Variants in TRIM42 observed in about 807,000 individuals in gnomAD.
TRIM42 encodes the protein tripartite motif containing 42, also known as tripartite motif-containing protein 42.
A neutral mutation model predicts 64.9 loss-of-function variants in TRIM42; 59 were observed. The observed-to-expected ratio is 0.91, with a 90% confidence interval of 0.74 to 1.13. The LOEUF is 1.13. TRIM42 is among the 50% of genes most tolerant of loss of function. The pLI is 0.00. For synonymous variants in TRIM42, 354 were observed against 346.3 expected, an observed-to-expected ratio of 1.02 and a Z score of -0.25; for missense variants, 878 against 929.5, an observed-to-expected ratio of 0.94 and a Z score of 0.72.
At chr3:140,695,794 C>A (rs1988831279) in intron 4 of TRIM42, among the ~76,000 whole-genome samples, 1 of 152,152 alleles carries the variant, frequency 6.6e-6, no homozygotes, top group Admixed American at 6.5e-5. Flanking sequence ...GGTTGGAGGT[C>A]ATTCAATCTG....
At chr3:140,679,183 A>C (rs144541779) in intron 1 of TRIM42, among the ~76,000 whole-genome samples, 163 of 152,314 alleles carry the variant, frequency 1.1e-3, no homozygotes, top group African/African-American at 3.7e-3. Flanking sequence ...ATGGAAAAGA[A>C]AGAACTTCTA....
At chr3:140,692,046 A>G (rs1325739626) in intron 4 of TRIM42, among the ~76,000 whole-genome samples, 1 of 152,088 alleles carries the variant, frequency 6.6e-6, no homozygotes, top group Admixed American at 6.5e-5. Flanking sequence ...AGGAAGTCTC[A>G]TGAGACCACT....
At chr3:140,695,555 C>T (rs1021390163) in intron 4 of TRIM42, among the ~76,000 whole-genome samples, 1 of 152,160 alleles carries the variant, frequency 6.6e-6, no homozygotes, top group Non-Finnish European at 1.5e-5. Flanking sequence ...GAGTCATCCT[C>T]GGTGTCTGAT....
chr3:140,691,048 C>G lies in TRIM42; in HGVS notation c.1941C>G (p.Asn647Lys). ...FYEVITSPPN[N>K]VQMELCGQIR... The stretch of plus-strand genomic sequence containing the variant: ...AAGTCATTACTTCTCCTCCTAACAA[C>G]GTACAAATGGAGCTCTGTGGACAAA... Residue 647 changes from asparagine (N) to lysine (K), a missense_variant, in exon 4 of 5, where the codon AAC becomes AAG. By Grantham distance (94) the Asn-to-Lys change is moderately conservative. Transcript: ENST00000286349. 6.2e-7 allele frequency: 1 copy of G among 1,614,106 alleles called. No homozygotes were observed. Among genetic ancestry groups the G allele is most frequent in the Non-Finnish European group, 8.5e-7 (1 of 1,179,966 alleles).
At chr3:140,679,955 C>A (rs545151544) in intron 1 of TRIM42, among the ~76,000 whole-genome samples, 2 of 148,446 alleles carry the variant, frequency 1.3e-5, no homozygotes, top group Non-Finnish European at 3.0e-5. Flanking sequence ...CCCCCCCACC[C>A]CGCTTCAGGT....
chr3:140,685,720 C>T (rs1412413463), intron 2 of TRIM42, among the ~76,000 whole-genome samples: 1 of 152,146 alleles, frequency 6.6e-6, no homozygotes, highest in African/African-American at 2.4e-5. Flanking sequence ...CTGAGAGCCA[C>T]AGCTGAAGCA....
rs1988600930 is a variant in TRIM42, at chr3:140,688,134, T to C, written c.1452T>C (p.Ser484=). 1 of 1,614,030 alleles carries C rather than the reference T, an allele frequency of 6.2e-7. No individual in the cohort carries two copies. Among genetic ancestry groups the C allele is most frequent in the East Asian group, 2.2e-5 (1 of 44,872 alleles). Residue 484 remains serine, a synonymous_variant, in exon 3 of 5, where the codon AGT becomes AGC. Coordinates refer to ENST00000286349, the MANE Select transcript of TRIM42 (RefSeq NM_152616.5). Reference sequence around the variant, plus strand: ...CCTTGGACTTTGTTGAGCTTTCCAGTGCCATCCATGAGCTCTTCCCCACAG... The same window carrying C: ...CCTTGGACTTTGTTGAGCTTTCCAGCGCCATCCATGAGCTCTTCCCCACAG... ...YVPLDFVELS[S]AIHELFPTGP... is the part of the protein sequence containing the mutation.
chr3:140,678,509 C>T lies in TRIM42; in HGVS notation c.280C>T (p.Arg94Cys), dbSNP rs139146415. 4.1e-5 allele frequency: 66 copies of T among 1,613,982 alleles called. No individual in the cohort carries two copies. The highest frequency in any genetic ancestry group is 2.1e-4 in the African/African-American group (16 of 74,896). Residue 94 changes from arginine to cysteine, a missense_variant, in exon 1 of 5, where the codon CGC becomes TGC. Arg to Cys is a radical substitution (Grantham distance 180). Coordinates refer to ENST00000286349, the MANE Select transcript of TRIM42 (RefSeq NM_152616.5). Reference protein sequence around the residue: ...SNLNCYYYESRCCRNTIITFH... With the variant: ...SNLNCYYYESCCCRNTIITFH... ...TCTCAACTGCTACTACTATGAGAGC[C>T]GCTGCTGCCGCAATACCATCATCAC...
chr3:140,689,037 A>G lies in TRIM42; in HGVS notation c.1860+495A>G, dbSNP rs140805438. 6.6e-5 allele frequency among the ~76,000 whole-genome samples: 10 copies of G among 152,322 alleles called. No individual in the cohort carries two copies. The East Asian group carries it at 1.2e-3, about 18-fold the overall frequency. ...GGAAAAATTGGGAGGATCATCCCCAATGAAATTTCAACTCTTCTGAGATTC... is the reference window on the plus strand; with the variant it reads ...GGAAAAATTGGGAGGATCATCCCCAGTGAAATTTCAACTCTTCTGAGATTC... On this transcript the variant is annotated intron_variant, in intron 3 of 4. Coordinates refer to ENST00000286349, the MANE Select transcript of TRIM42 (RefSeq NM_152616.5).
intron 2 of TRIM42, among the ~76,000 whole-genome samples, chr3:140,683,534 T>G (rs560454192): frequency 6.6e-6 from 1 of 152,346 alleles, no homozygotes; most frequent in South Asian, 2.1e-4. Context: ...CATTTTCTCC[T>G]TTGGAAAATG....
intron 1 of TRIM42, among the ~76,000 whole-genome samples, chr3:140,679,045 G>A (rs954900865): frequency 3.8e-5 from 5 of 130,148 alleles, no homozygotes; most frequent in Admixed American, 1.7e-4. Flanking sequence ...ATTGCAAAAC[G>A]GAGACAATAC....
At chr3:140,699,814 C>G (rs568254626) in intron 4 of TRIM42, among the ~76,000 whole-genome samples, 20 of 152,282 alleles carry the variant, frequency 1.3e-4, no homozygotes, top group African/African-American at 4.6e-4. Context: ...TATAATATGA[C>G]CTTTGCCTTG....
chr3:140,699,928 A>G (rs1988954993), intron 4 of TRIM42, among the ~76,000 whole-genome samples: 1 of 152,196 alleles, frequency 6.6e-6, no homozygotes, highest in African/African-American at 2.4e-5. Flanking sequence ...CTTTATATAC[A>G]AATATAGAAG....
chr3:140,688,687 C>T (rs1025681249), intron 3 of TRIM42, 145 bp downstream of exon 3: 20 of 639,020 alleles, frequency 3.1e-5, no homozygotes, highest in Non-Finnish European at 1.6e-5. Flanking sequence ...TTGTGGTCAT[C>T]CCATTCAAAA....
At position 140,688,493 on chromosome 3, in the gene TRIM42, C is replaced by T. The variant is rs778167772; in HGVS notation, c.1811C>T (p.Pro604Leu). The stretch of plus-strand genomic sequence containing the variant: ...TTCAACGATGGCTCTGTGAAGACCC[C>T]AGGCCCAATTGTTATCTACCAGACT... ...YSFNDGSVKT[P>L]GPIVIYQTLV... Residue 604 changes from proline (P) to leucine (L), a missense_variant, in exon 3 of 5, where the codon CCA becomes CTA. Coordinates refer to ENST00000286349, the MANE Select transcript of TRIM42 (RefSeq NM_152616.5). The T allele has an allele frequency of 6.2e-7, 1 of 1,614,012 alleles. No individual in the cohort carries two copies. The highest frequency in any genetic ancestry group is 1.3e-5 in the African/African-American group (1 of 75,048).
intron 3 of TRIM42, among the ~76,000 whole-genome samples, chr3:140,689,627 C>G (rs1988653836): frequency 6.6e-6 from 1 of 151,978 alleles, no homozygotes; most frequent in East Asian, 1.9e-4. Context: ...TTCCATTCTC[C>G]TGACGCATCA....
intron 4 of TRIM42, among the ~76,000 whole-genome samples, chr3:140,694,296 T>G (rs528845519): frequency 6.6e-6 from 1 of 152,338 alleles, no homozygotes; most frequent in African/African-American, 2.4e-5. Context: ...CTCAGGTCCA[T>G]GAGGATAGGT....
intron 2 of TRIM42, among the ~76,000 whole-genome samples, chr3:140,687,252 G>A (rs370097151): frequency 1.3e-5 from 2 of 152,190 alleles, no homozygotes; most frequent in African/African-American, 4.8e-5. Flanking sequence ...GTATAGGGCT[G>A]GAGGCTTAGC....
intron 4 of TRIM42, among the ~76,000 whole-genome samples, chr3:140,692,928 G>A (rs909042189): frequency 6.6e-6 from 1 of 152,210 alleles, no homozygotes; most frequent in African/African-American, 2.4e-5. Flanking sequence ...ACCAAAGTAT[G>A]TCATCAGTCT....
Sources: gnomAD v4.1 joint callset for allele counts (sites outside exome capture counted in the v4.1 genomes callset) on GRCh38, gnomAD v4.1.1 for gene constraint, MANE v1.5 for transcripts, NCBI Gene and HGNC (gene_info 2026-07-23, HGNC 2026-07-21) for gene names.